APP: variants seen among roughly 807,000 people sequenced by gnomAD.
APP encodes amyloid beta precursor protein.
APP carries 31 observed loss-of-function variants against 101.4 expected under a neutral mutation model. That is an observed-to-expected ratio of 0.31 (90% CI 0.23 to 0.41). APP has a LOEUF of 0.41. Ranked by LOEUF, APP falls within the 10% of genes least tolerant of loss-of-function variation. The pLI is 1.00. For synonymous variants in APP, 366 were observed against 364.4 expected (o/e 1.00, Z -0.05); for missense variants, 839 against 1,003.7 (o/e 0.84, Z 2.22).
chr21:25,977,594 A>G (rs1310043785), intron 9 of APP, among the ~76,000 whole-genome samples: 2 of 152,248 alleles, frequency 1.3e-5, no homozygotes, highest in Admixed American at 1.3e-4. Flanking sequence ...TTTATTGTCC[A>G]TTGGCATTCA....
intron 1 of APP, among the ~76,000 whole-genome samples, chr21:26,147,193 A>T (rs1353069158): frequency 2.0e-5 from 3 of 152,132 alleles, no homozygotes; most frequent in Non-Finnish European, 4.4e-5. Flanking sequence ...TATCTACTAC[A>T]CTTATAAACA....
chr21:26,068,031 T>C (rs1344432532), intron 3 of APP: 5 of 151,980 alleles, frequency 3.3e-5, no homozygotes, highest in African/African-American at 1.2e-4. Context: ...ACCAACCAGG[T>C]TGGTGTTCCG....
chr21:26,075,131 C>T (rs2061478494), intron 3 of APP, among the ~76,000 whole-genome samples: 1 of 152,184 alleles, frequency 6.6e-6, no homozygotes. Flanking sequence ...TCTTTCTTTT[C>T]CCTTTCCTTT....
intron 8 of APP, among the ~76,000 whole-genome samples, chr21:25,991,289 C>T (rs113897894): frequency 7.2e-5 from 10 of 139,416 alleles, no homozygotes; most frequent in Non-Finnish European, 7.9e-5. Context: ...GTAACTAAAA[C>T]CACTTGTATC....
chr21:25,951,493 A>G (rs1167631606), intron 13 of APP, among the ~76,000 whole-genome samples: 1 of 152,182 alleles, frequency 6.6e-6, no homozygotes, highest in East Asian at 1.9e-4. Context: ...CTTCTATACA[A>G]AAGGCATGCA....
intron 3 of APP, among the ~76,000 whole-genome samples, chr21:26,056,213 C>T (rs932732060): frequency 6.6e-6 from 1 of 152,082 alleles, no homozygotes; most frequent in African/African-American, 2.4e-5. Context: ...AATTATTTCA[C>T]TTTTTGCAGA....
chr21:26,137,730 AATAAT>A (rs977242825), intron 1 of APP, among the ~76,000 whole-genome samples: 4 of 152,236 alleles, frequency 2.6e-5, no homozygotes, highest in Non-Finnish European at 5.9e-5. Flanking sequence ...CTACAATTCA[AATAAT>A]ATAAGTCAGA....
At chr21:26,009,238 T>A (rs1171026206) in intron 6 of APP, among the ~76,000 whole-genome samples, 1 of 152,232 alleles carries the variant, frequency 6.6e-6, no homozygotes, top group African/African-American at 2.4e-5. Context: ...AAAAGACAGA[T>A]ACAACAAAAT....
intron 13 of APP, among the ~76,000 whole-genome samples, chr21:25,924,426 AAG>A (rs1194981428): frequency 9.0e-4 from 98 of 108,488 alleles, no homozygotes; most frequent in African/African-American, 3.8e-3. Flanking sequence ...AAAAAAAAAA[AAG>A]GAAAAAAAAA....
intron 1 of APP, among the ~76,000 whole-genome samples, chr21:26,128,103 T>C (rs1359149180): frequency 1.3e-5 from 2 of 152,198 alleles, no homozygotes; most frequent in Non-Finnish European, 2.9e-5. Flanking sequence ...AGACAATCTT[T>C]CCTTGTTTAT....
At chr21:26,047,249 A>G (rs541594694) in intron 5 of APP, among the ~76,000 whole-genome samples, 3 of 152,334 alleles carry the variant, frequency 2.0e-5, no homozygotes, top group Admixed American at 6.5e-5. Context: ...TATCAAAACA[A>G]GCCTCATTAA....
chr21:26,149,824 T>G (rs1000516209), intron 1 of APP, among the ~76,000 whole-genome samples: 1 of 152,202 alleles, frequency 6.6e-6, no homozygotes, highest in Non-Finnish European at 1.5e-5. Flanking sequence ...GAATCGTCAC[T>G]GAAAAATTGC....
At chr21:26,116,207 A>T (rs1456597865) in intron 1 of APP, among the ~76,000 whole-genome samples, 2 of 152,226 alleles carry the variant, frequency 1.3e-5, no homozygotes, top group African/African-American at 4.8e-5. Flanking sequence ...AAGTGCTCTG[A>T]ACTACAGAGA....
chr21:25,889,283 CAG>C (rs1165646194), intron 17 of APP, among the ~76,000 whole-genome samples: 2 of 152,252 alleles, frequency 1.3e-5, no homozygotes, highest in East Asian at 3.9e-4. Context: ...AGCAGAAAAA[CAG>C]AGTGAAGGTC....
At chr21:26,001,241 GC>G (rs2043281133) in intron 6 of APP, among the ~76,000 whole-genome samples, 1 of 152,124 alleles carries the variant, frequency 6.6e-6, no homozygotes. Context: ...ATCCCTGATT[GC>G]CTCAAAGTCA....
At chr21:25,926,738 A>G (rs1159882233) in intron 13 of APP, among the ~76,000 whole-genome samples, 3 of 152,242 alleles carry the variant, frequency 2.0e-5, no homozygotes, top group East Asian at 3.9e-4. Flanking sequence ...TTAGAAACTA[A>G]TATTAAAGAA....
At chr21:25,991,471 G>C (rs569068938) in intron 8 of APP, among the ~76,000 whole-genome samples, 1 of 152,064 alleles carries the variant, frequency 6.6e-6, no homozygotes, top group Non-Finnish European at 1.5e-5. Context: ...TCTGCCTCCC[G>C]GGTTCAAGTG....
chr21:25,926,020 G>A (rs991118262), intron 13 of APP, among the ~76,000 whole-genome samples: 5 of 152,222 alleles, frequency 3.3e-5, no homozygotes, highest in African/African-American at 1.2e-4. Flanking sequence ...AGATGAGTGT[G>A]AGCCAAGAAA....
chr21:25,924,930 T>G (rs2039820102), intron 13 of APP, among the ~76,000 whole-genome samples: 1 of 152,234 alleles, frequency 6.6e-6, no homozygotes, highest in Admixed American at 6.5e-5. Flanking sequence ...AAAATATTTA[T>G]CTGCAACTTC....
Sources: gnomAD v4.1 joint callset for allele counts (sites outside exome capture counted in the v4.1 genomes callset) on GRCh38, gnomAD v4.1.1 for gene constraint, MANE v1.5 for transcripts, NCBI Gene and HGNC (gene_info 2026-07-23, HGNC 2026-07-21) for gene names.